PRKAG2: variants seen among roughly 807,000 people sequenced by gnomAD.
PRKAG2 encodes the protein 5'-AMP-activated protein kinase subunit gamma-2.
A neutral mutation model predicts 69.6 loss-of-function variants in PRKAG2; 26 were observed. The observed-to-expected ratio is 0.37, with a 90% CI of 0.27 to 0.52. PRKAG2 has a LOEUF of 0.52. Ranked by LOEUF, PRKAG2 falls within the 20% of genes least tolerant of loss-of-function variation. The pLI, the probability that PRKAG2 is intolerant of heterozygous loss-of-function variation, is 0.90. For missense variants in PRKAG2, 557 were observed against 740.0 expected, an observed-to-expected ratio of 0.75 and a Z score of 2.87; for synonymous variants, 293 against 285.0, an observed-to-expected ratio of 1.03 and a Z score of -0.28.
At chr7:151,754,353 C>T (rs568896282) in intron 3 of PRKAG2, among the ~76,000 whole-genome samples, 33 of 152,330 alleles carry the variant, frequency 2.2e-4, no homozygotes, top group Non-Finnish European at 4.0e-4. Context: ...ACTTGGATGC[C>T]GCACATACTT....
At chr7:151,757,594 G>A (rs1283070175) in intron 3 of PRKAG2, among the ~76,000 whole-genome samples, 1 of 152,150 alleles carries the variant, frequency 6.6e-6, no homozygotes, top group African/African-American at 2.4e-5. Flanking sequence ...AAACGGACAG[G>A]GGGAAAATCT....
chr7:151,782,297 AAAGGAAGGAAGG>A (rs869298573), intron 2 of PRKAG2, among the ~76,000 whole-genome samples: 67 of 39,804 alleles, frequency 1.7e-3, no homozygotes, highest in African/African-American at 5.1e-3. Flanking sequence ...GAAAGGAAAG[AAAGGAAGGAAGG>A]AAGGAAGGAA....
chr7:151,714,320 A>T (rs1461948444), intron 3 of PRKAG2, among the ~76,000 whole-genome samples: 1 of 152,112 alleles, frequency 6.6e-6, no homozygotes, highest in African/African-American at 2.4e-5. Flanking sequence ...CTTCCGAGAG[A>T]GCCGTCCTCC....
At chr7:151,761,191 A>G (rs1278083296) in intron 3 of PRKAG2, among the ~76,000 whole-genome samples, 4 of 152,222 alleles carry the variant, frequency 2.6e-5, no homozygotes, top group Non-Finnish European at 5.9e-5. Flanking sequence ...TAAACTACAT[A>G]CAGTTTAAAG....
At chr7:151,860,424 G>A (rs1250394218) in intron 1 of PRKAG2, among the ~76,000 whole-genome samples, 1 of 152,192 alleles carries the variant, frequency 6.6e-6, no homozygotes, top group Non-Finnish European at 1.5e-5. Context: ...ATCCACGCCT[G>A]TACTGGTGGA....
chr7:151,657,068 C>T (rs1370221142), intron 4 of PRKAG2, among the ~76,000 whole-genome samples: 3 of 148,862 alleles, frequency 2.0e-5, no homozygotes, highest in Admixed American at 6.7e-5. Context: ...ACCTGGGAGG[C>T]GGAGGTTGCA....
At chr7:151,869,399 A>G (rs891328086) in intron 1 of PRKAG2, among the ~76,000 whole-genome samples, 2 of 152,216 alleles carry the variant, frequency 1.3e-5, no homozygotes, top group Non-Finnish European at 2.9e-5. Flanking sequence ...GAGGGCAGAG[A>G]TGCATATTTC....
intron 6 of PRKAG2, among the ~76,000 whole-genome samples, chr7:151,584,427 G>A (rs959723331): frequency 6.6e-6 from 1 of 151,954 alleles, no homozygotes; most frequent in African/African-American, 2.4e-5. Flanking sequence ...CTTGAACGCT[G>A]AAGTCACACA....
chr7:151,873,573 C>G (rs949464046), intron 1 of PRKAG2, among the ~76,000 whole-genome samples: 4 of 152,128 alleles, frequency 2.6e-5, no homozygotes, highest in Non-Finnish European at 5.9e-5. Flanking sequence ...CAGATCTCAC[C>G]CTAACCAGAG....
At chr7:151,707,569 C>T (rs1838840024) in intron 3 of PRKAG2, among the ~76,000 whole-genome samples, 1 of 152,156 alleles carries the variant, frequency 6.6e-6, no homozygotes, top group Admixed American at 6.5e-5. Context: ...CTCTGGCTCG[C>T]ACCCATCACC....
Position 151,814,679 on chromosome 7 carries a change from C to T in PRKAG2, c.115-28138G>A, listed in dbSNP as rs1288973762. ...TGGGGACCGGGGCTGGGTGTGTTCC[C>T]AGTCCCCAAGGCAGCGCAACAAGCG... On this transcript the variant is annotated intron_variant, in intron 1 of 15. Transcript: ENST00000287878. The surrounding 1 kb of genome is among the most constrained non-coding windows in gnomAD (Gnocchi z 4.8). 5.7e-6 allele frequency: 7 copies of T among 1,231,804 alleles called. No homozygotes were observed. Among genetic ancestry groups the T allele is most frequent in the Non-Finnish European group, 7.1e-6 (7 of 988,010 alleles). The allele number at this position is 1,231,804 out of a possible 1,614,324, so 76.3% of individuals were successfully genotyped here. A position where few individuals can be genotyped will look rare whatever the true frequency, so the allele number is the denominator to read the frequency against.
At chr7:151,605,830 C>G (rs1428941271) in intron 5 of PRKAG2, among the ~76,000 whole-genome samples, 1 of 151,000 alleles carries the variant, frequency 6.6e-6, no homozygotes, top group Non-Finnish European at 1.5e-5. Flanking sequence ...CCCAGCCACA[C>G]AGGAGGCTGA....
Position 151,750,338 on chromosome 7 carries a change from T to C in PRKAG2, c.466+30814A>G, listed in dbSNP as rs1586271135. Among the ~76,000 whole-genome samples, 4 of 151,936 alleles carry C rather than the reference T, an allele frequency of 2.6e-5. No individual in the cohort carries two copies. In the South Asian group the frequency reaches 8.3e-4, roughly 32 times the overall value. On this transcript the variant is annotated intron_variant, in intron 3 of 15. Transcript: ENST00000287878. ...TGATGGCAGCTCTATTCACAAAAGG[T>C]GGAAACAACCCAAATGGCCACCAGT...
At position 151,699,715 on chromosome 7, in the gene PRKAG2, A is replaced by T. The variant is rs771020316; in HGVS notation, c.467-24078T>A. Among the ~76,000 whole-genome samples the T allele has an allele frequency of 1.1e-4, 16 of 152,358 alleles. No homozygotes were observed. The highest frequency in any genetic ancestry group is 1.9e-4 in the Non-Finnish European group (13 of 68,038). ...AATGCATGAGCCATTAAGACAGTGC[A>T]GGAAGCATCTGATGGAGGACACGTC... On this transcript the variant is annotated intron_variant, in intron 3 of 15. Coordinates refer to ENST00000287878, the MANE Select transcript of PRKAG2 (RefSeq NM_016203.4). This position sits in a 1 kb window ranked among gnomAD's most constrained non-coding sequence, Gnocchi z 4.5.
chr7:151,748,970 G>T (rs553690603), intron 3 of PRKAG2, among the ~76,000 whole-genome samples: 2 of 146,218 alleles, frequency 1.4e-5, no homozygotes, highest in African/African-American at 5.6e-5. Flanking sequence ...AGTTTTCTGG[G>T]CTTTAGGCAA....
chr7:151,590,864 T>C (rs1179072083), intron 6 of PRKAG2, among the ~76,000 whole-genome samples: 1 of 152,242 alleles, frequency 6.6e-6, no homozygotes, highest in Non-Finnish European at 1.5e-5. Flanking sequence ...TATGAGAAAT[T>C]GTTCATTAAC....
intron 3 of PRKAG2, among the ~76,000 whole-genome samples, chr7:151,718,986 C>T (rs899429414): frequency 1.3e-5 from 2 of 152,164 alleles, no homozygotes; most frequent in African/African-American, 4.8e-5. Flanking sequence ...TTCTTAGACT[C>T]AGATGATTCC....
intron 5 of PRKAG2, among the ~76,000 whole-genome samples, chr7:151,602,329 C>A (rs1286071528): frequency 6.6e-6 from 1 of 152,170 alleles, no homozygotes; most frequent in African/African-American, 2.4e-5. Flanking sequence ...AAGGAAATCT[C>A]AGAAGATAAT....
chr7:151,661,428 C>G lies in PRKAG2; in HGVS notation c.684+13992G>C, dbSNP rs543577437. ...CCTGACCTCATATGATCCAACCCCC[C>G]ACCTTGGCCTCCCAAAGGGCTTTTG... On this transcript the variant is annotated intron_variant, in intron 4 of 15. Coordinates refer to ENST00000287878, the MANE Select transcript of PRKAG2 (RefSeq NM_016203.4). 9.3e-4 allele frequency among the ~76,000 whole-genome samples: 141 copies of G among 152,256 alleles called. 8 individuals carry two copies. In the South Asian group the frequency reaches 0.027, roughly 29 times the overall value.
Sources: gnomAD v4.1 joint callset for allele counts (sites outside exome capture counted in the v4.1 genomes callset) on GRCh38, gnomAD v4.1.1 for gene constraint, Gnocchi (gnomAD v3.1) non-coding constraint, MANE v1.5 for transcripts, NCBI Gene and HGNC (gene_info 2026-07-23, HGNC 2026-07-21) for gene names.